CIMAP1D: variants seen among roughly 807,000 people sequenced by gnomAD.
CIMAP1D encodes the protein protein CIMAP1D.
the CIMAP1D span, among the ~76,000 whole-genome samples, chr19:468,089 G>A: frequency 1.1e-3 from 160 of 152,254 alleles, no homozygotes; most frequent in Middle Eastern, 3.4e-3. Context: ...AATTAGGCTG[G>A]GTGTGGTGGT....
the CIMAP1D span, among the ~76,000 whole-genome samples, chr19:479,986 G>A: frequency 9.2e-5 from 14 of 152,148 alleles, no homozygotes; most frequent in Non-Finnish European, 2.9e-5. Context: ...TTATAATGAC[G>A]GTCTCAGGCA....
chr19:491,460 G>A, the CIMAP1D span, among the ~76,000 whole-genome samples: 203 of 152,238 alleles, frequency 1.3e-3, no homozygotes, highest in African/African-American at 4.8e-3. Flanking sequence ...AGGCCTGTGC[G>A]GCTCCTGGCT....
the CIMAP1D span, among the ~76,000 whole-genome samples, chr19:469,220 A>ATT: frequency 0.12 from 17,203 of 147,140 alleles, 1,999 homozygotes; most frequent in African/African-American, 0.29. Flanking sequence ...GGCTGGGGAG[A>ATT]TTCTTTTTTT....
chr19:468,039 G>A, the CIMAP1D span, among the ~76,000 whole-genome samples: 1 of 152,140 alleles, frequency 6.6e-6, no homozygotes, highest in African/African-American at 2.4e-5. Flanking sequence ...CGCAGGTGTG[G>A]GCTGGAGAAC....
At chr19:474,640 C>T in the CIMAP1D span, 1 of 1,574,792 alleles carries the variant, frequency 6.4e-7, no homozygotes, top group Non-Finnish European at 8.6e-7. Flanking sequence ...GGGTGGCCGT[C>T]CCACAGGACT....
chr19:469,401 T>C, the CIMAP1D span, among the ~76,000 whole-genome samples: 461 of 152,156 alleles, frequency 3.0e-3, 1 homozygote, highest in African/African-American at 0.011. Flanking sequence ...TAGAAACCCT[T>C]GATCATGGCT....
chr19:474,868 C>T, the CIMAP1D span: 4 of 816,436 alleles, frequency 4.9e-6, no homozygotes, highest in Non-Finnish European at 6.9e-6. Flanking sequence ...ACCACACCCT[C>T]CCACGACCAC....
the CIMAP1D span, among the ~76,000 whole-genome samples, chr19:469,633 G>A: frequency 3.9e-5 from 6 of 152,104 alleles, no homozygotes; most frequent in African/African-American, 9.7e-5. Flanking sequence ...AGAGGTTGCC[G>A]TGAGCCGAGA....
the CIMAP1D span, among the ~76,000 whole-genome samples, chr19:485,359 A>G: frequency 6.6e-6 from 1 of 152,172 alleles, no homozygotes; most frequent in East Asian, 1.9e-4. Flanking sequence ...CATCCCAAAC[A>G]CCGCCTGCCC....
chr19:472,549 A>G, the CIMAP1D span: 2 of 1,354,496 alleles, frequency 1.5e-6, no homozygotes, highest in Non-Finnish European at 2.0e-6. Flanking sequence ...GATTCCCCGA[A>G]GAAGGAGCCC....
At chr19:477,276 G>A in the CIMAP1D span, among the ~76,000 whole-genome samples, 1 of 152,130 alleles carries the variant, frequency 6.6e-6, no homozygotes, top group East Asian at 1.9e-4. Flanking sequence ...ATTGAAAACT[G>A]TAGAAATAAT....
At chr19:485,594 C>T in the CIMAP1D span, among the ~76,000 whole-genome samples, 2 of 152,226 alleles carry the variant, frequency 1.3e-5, no homozygotes, top group Admixed American at 1.3e-4. Flanking sequence ...CCCTGACCTC[C>T]TGGGGTTAGC....
chr19:473,434 CACG>C, the CIMAP1D span, among the ~76,000 whole-genome samples: 1 of 105,918 alleles, frequency 9.4e-6, no homozygotes, highest in Non-Finnish European at 2.0e-5. Context: ...GGCAGAGATA[CACG>C]ATCACAGATG....
the CIMAP1D span, among the ~76,000 whole-genome samples, chr19:487,467 C>T: frequency 1.3e-5 from 2 of 152,202 alleles, no homozygotes; most frequent in Admixed American, 6.6e-5. Context: ...ACTCTGCTGT[C>T]TCCTTGGCAC....
At chr19:482,634 G>A in the CIMAP1D span, among the ~76,000 whole-genome samples, 2 of 152,176 alleles carry the variant, frequency 1.3e-5, no homozygotes, top group South Asian at 4.1e-4. Context: ...GATTACTCAT[G>A]CAGAACGGCT....
the CIMAP1D span, among the ~76,000 whole-genome samples, chr19:475,667 G>A: frequency 2.6e-5 from 4 of 151,920 alleles, no homozygotes; most frequent in Admixed American, 2.0e-4. Flanking sequence ...CATTCAAGGC[G>A]ACCACTGCGT....
At chr19:481,575 A>T in the CIMAP1D span, among the ~76,000 whole-genome samples, 1 of 144,164 alleles carries the variant, frequency 6.9e-6, no homozygotes, top group Non-Finnish European at 1.5e-5. Context: ...GGATGGTGGG[A>T]AGGATGATGG....
chr19:463,966 C>T, the CIMAP1D span: 26 of 1,611,184 alleles, frequency 1.6e-5, no homozygotes, highest in Middle Eastern at 1.7e-4. Context: ...GCTTTGTTCA[C>T]GGTGACCTGC....
At chr19:465,427 G>GAA in the CIMAP1D span, among the ~76,000 whole-genome samples, 1 of 126,858 alleles carries the variant, frequency 7.9e-6, no homozygotes, top group Admixed American at 7.9e-5. Flanking sequence ...TGATGGGTAG[G>GAA]TGAGTAGATG....
Sources: allele counts gnomAD v4.1 joint callset (sites outside exome capture counted in the v4.1 genomes callset), GRCh38; gene constraint gnomAD v4.1.1; transcripts MANE v1.5; gene names NCBI Gene and HGNC (gene_info 2026-07-23, HGNC 2026-07-21).